The following FNDC3B variants were observed in gnomAD, a reference collection of about 807,000 sequenced individuals.
FNDC3B encodes the protein fibronectin type III domain-containing protein 3B.
A neutral mutation model predicts 151.5 loss-of-function variants in FNDC3B; 12 were observed. The ratio of observed to expected loss-of-function variants is 0.08; its 90% CI spans 0.05 to 0.13. FNDC3B has a LOEUF of 0.13. Among genes scored for constraint, FNDC3B ranks in the 10% least tolerant of loss-of-function variants. FNDC3B has a pLI of 1.00. For missense variants in FNDC3B, 1,214 were observed against 1,505.3 expected, an observed-to-expected ratio of 0.81 and a Z score of 3.20; for synonymous variants, 528 against 549.0, an observed-to-expected ratio of 0.96 and a Z score of 0.54.
intron 1 of FNDC3B, among the ~76,000 whole-genome samples, chr3:172,070,461 G>A (rs949596005): frequency 1.3e-5 from 2 of 152,156 alleles, no homozygotes; most frequent in African/African-American, 2.4e-5. Context: ...AAACCAGGTC[G>A]CATGAAAGGA....
At chr3:172,335,292 A>G in intron 15 of FNDC3B, 1 of 419,468 alleles carries the variant, frequency 2.4e-6, no homozygotes, top group Admixed American at 4.2e-5. Flanking sequence ...GTAATGGACA[A>G]TTAAATTTTA....
At chr3:172,162,659 G>T (rs1445513804) in intron 3 of FNDC3B, among the ~76,000 whole-genome samples, 5 of 135,090 alleles carry the variant, frequency 3.7e-5, no homozygotes, top group South Asian at 4.7e-4. Flanking sequence ...TTATTACCTG[G>T]TTTTTTTTTT....
intron 3 of FNDC3B, among the ~76,000 whole-genome samples, chr3:172,185,662 T>C (rs1724137818): frequency 6.6e-6 from 1 of 152,236 alleles, no homozygotes; most frequent in South Asian, 2.1e-4. Flanking sequence ...CATGATACCT[T>C]GTGTCTTTAT....
rs180866664 is a variant in FNDC3B at position 172,262,395 on chromosome 3, A to T, written c.790+10854A>T. ...TTGGAGTTTCCTGATGCTTTTGTCT[A>T]CCTCTTGTGCTGGATTAGAGCATCC... On this transcript the variant is annotated intron_variant, in intron 6 of 25. Transcript: ENST00000415807. 3.0e-3 allele frequency among the ~76,000 whole-genome samples: 461 copies of T among 152,218 alleles called. 4 individuals are homozygous for T. Among genetic ancestry groups the T allele is most frequent in the African/African-American group, 0.011 (447 of 41,524 alleles).
chr3:172,185,485 G>A (rs1461032853), intron 3 of FNDC3B, among the ~76,000 whole-genome samples: 1 of 152,142 alleles, frequency 6.6e-6, no homozygotes, highest in Admixed American at 6.5e-5. Context: ...CACTGGGGAA[G>A]ATAGAGACAT....
intron 3 of FNDC3B, among the ~76,000 whole-genome samples, chr3:172,221,788 T>G (rs1312855315): frequency 1.3e-5 from 2 of 152,230 alleles, no homozygotes; most frequent in Non-Finnish European, 2.9e-5. Context: ...GATTCATCAT[T>G]AGACATTTAT....
At chr3:172,113,834 C>T (rs1005402080) in intron 2 of FNDC3B, among the ~76,000 whole-genome samples, 2 of 152,164 alleles carry the variant, frequency 1.3e-5, no homozygotes, top group Admixed American at 6.5e-5. Context: ...TTACCGCCCA[C>T]TTTACAGTCT....
intron 1 of FNDC3B, among the ~76,000 whole-genome samples, chr3:172,088,656 C>T (rs1157959762): frequency 6.6e-6 from 1 of 152,046 alleles, no homozygotes; most frequent in Non-Finnish European, 1.5e-5. Context: ...ACTTATCCTA[C>T]AAAAGAGAAT....
intron 6 of FNDC3B, among the ~76,000 whole-genome samples, chr3:172,263,265 G>C (rs1728746300): frequency 6.6e-6 from 1 of 151,736 alleles, no homozygotes; most frequent in Non-Finnish European, 1.5e-5. Context: ...TAATTCACAT[G>C]GTGAACTTCC....
intron 11 of FNDC3B, among the ~76,000 whole-genome samples, chr3:172,327,755 T>C (rs1413887117): frequency 3.3e-5 from 5 of 152,204 alleles, no homozygotes; most frequent in Non-Finnish European, 7.4e-5. Context: ...GCTAGTGGTG[T>C]GTTCATTTTA....
At position 172,304,558 on chromosome 3, in the gene FNDC3B, G is replaced by A. The variant is rs141892905; in HGVS notation, c.1062-2805G>A. 8.7e-4 allele frequency among the ~76,000 whole-genome samples: 133 copies of A among 152,286 alleles called. 1 individual carries two copies. Among genetic ancestry groups the A allele is most frequent in the African/African-American group, 3.0e-3 (124 of 41,564 alleles). The stretch of plus-strand genomic sequence containing the variant: ...CTGCAGCACCTGCTCCATCTAAAGC[G>A]GGGAGCTGCCCACAGATTTAGCTCA... On this transcript the variant is annotated intron_variant, in intron 9 of 25. Transcript: ENST00000415807.
At chr3:172,284,353 AG>A (rs889689061) in intron 6 of FNDC3B, among the ~76,000 whole-genome samples, 1 of 152,198 alleles carries the variant, frequency 6.6e-6, no homozygotes, top group Non-Finnish European at 1.5e-5. Flanking sequence ...TTGATTCTTT[AG>A]GAAAAAATTT....
At chr3:172,332,690 C>T (rs536064270) in intron 13 of FNDC3B, among the ~76,000 whole-genome samples, 8 of 152,334 alleles carry the variant, frequency 5.3e-5, no homozygotes, top group East Asian at 1.9e-4. Context: ...TCCTTTCTCC[C>T]ATGGCCAGAA....
rs565118001 is a variant in FNDC3B at position 172,330,434 on chromosome 3, T to G, written c.1380-107T>G. ...CATCCTTACCTGGCTTTGCTTACTC[T>G]ACCTGCTAGGCTGAGTTGGGTAGTG... is the stretch of plus-strand genomic sequence containing the variant. On this transcript the variant is annotated intron_variant, in intron 12 of 25. Transcript: ENST00000415807. 4 of 955,852 alleles carry G rather than the reference T, an allele frequency of 4.2e-6. No individual in the cohort carries two copies. The East Asian group carries it at 1.0e-4, about 24-fold the overall frequency. The allele number at this position is 955,852 out of a possible 1,614,324, so 59.2% of individuals were successfully genotyped here.
In FNDC3B at chr3:172,105,240, C is replaced by CT. The variant is rs200242270; in HGVS notation, c.-28-7206dup. Among the ~76,000 whole-genome samples, 330 of 152,150 alleles carry CT rather than the reference C, an allele frequency of 2.2e-3. 3 individuals carry two copies. The highest frequency in any genetic ancestry group is 0.014 in the Admixed American group (213 of 15,286). On this transcript the variant is annotated intron_variant, in intron 1 of 25. Coordinates refer to ENST00000415807, the MANE Select transcript of FNDC3B (RefSeq NM_022763.4). The stretch of plus-strand genomic sequence containing the variant: ...GGTTCATGAATGCAGTTTTTCTTTT[C>CT]TTTTTTCTGTGTATATGATTCCGTA...
chr3:172,363,939 G>C (rs1734483988), intron 23 of FNDC3B, among the ~76,000 whole-genome samples: 1 of 152,198 alleles, frequency 6.6e-6, no homozygotes, highest in Non-Finnish European at 1.5e-5. Flanking sequence ...AGACCATCTG[G>C]TTTAAAAGAT....
chr3:172,362,123 A>G (rs1033615592), intron 22 of FNDC3B, among the ~76,000 whole-genome samples: 1 of 152,198 alleles, frequency 6.6e-6, no homozygotes, highest in Non-Finnish European at 1.5e-5. Flanking sequence ...ATTACTAACA[A>G]TATCTGCATG....
intron 11 of FNDC3B, among the ~76,000 whole-genome samples, chr3:172,326,026 A>G (rs1732324550): frequency 6.6e-6 from 1 of 152,118 alleles, no homozygotes; most frequent in East Asian, 1.9e-4. Context: ...GTGTTTCACC[A>G]TGTTGGCCAG....
intron 1 of FNDC3B, among the ~76,000 whole-genome samples, chr3:172,061,179 A>G (rs545814499): frequency 1.3e-5 from 2 of 151,640 alleles, no homozygotes; most frequent in Non-Finnish European, 2.9e-5. Flanking sequence ...GCTTATTCTA[A>G]ACTCATGAAG....
Sources: allele counts gnomAD v4.1 joint callset (sites outside exome capture counted in the v4.1 genomes callset), GRCh38; gene constraint gnomAD v4.1.1; transcripts MANE v1.5; gene names NCBI Gene and HGNC (gene_info 2026-07-23, HGNC 2026-07-21).